Variants in GPR89B observed in about 807,000 individuals in gnomAD.
GPR89B encodes golgi pH regulator B, also known as G protein-coupled receptor 89B.
Under a neutral mutation model 52.4 loss-of-function variants are expected in GPR89B, and 25 were observed. The ratio of observed to expected loss-of-function variants is 0.48; its 90% CI spans 0.35 to 0.67. GPR89B has a LOEUF of 0.67. Ranked by LOEUF, GPR89B falls within the 30% of genes least tolerant of loss-of-function variation. The probability of loss-of-function intolerance (pLI) is 0.01; values close to 1 mark genes in which losing one functional copy is unlikely to be tolerated. For missense variants in GPR89B, 146 were observed against 450.2 expected (o/e 0.32, Z 6.11); for synonymous variants, 52 against 151.2 (o/e 0.34, Z 4.81).
chr1:148,011,242 G>T, the GPR89B span: 1 of 152,190 alleles, frequency 6.6e-6, no homozygotes, highest in African/African-American at 2.4e-5. Context: ...TTGAGTCGTG[G>T]TGGCTGGAAG....
intron 10 of GPR89B, among the ~76,000 whole-genome samples, chr1:147,971,185 T>C (rs1280689866): frequency 6.6e-6 from 1 of 151,746 alleles, no homozygotes; most frequent in African/African-American, 2.4e-5. Context: ...AGTCTCACTC[T>C]GTCACCCAAG....
the GPR89B span, among the ~76,000 whole-genome samples, chr1:148,002,254 C>T: frequency 3.9e-5 from 6 of 152,068 alleles, no homozygotes; most frequent in African/African-American, 1.5e-4. Flanking sequence ...TTTTCCCCAG[C>T]ATCCAGTCCC....
chr1:148,021,273 C>T, the GPR89B span, among the ~76,000 whole-genome samples: 2 of 151,356 alleles, frequency 1.3e-5, no homozygotes, highest in South Asian at 2.1e-4. Context: ...GAGGCTGAGG[C>T]GGGCGGAGCA....
At chr1:147,951,156 C>T (rs1655658928) in intron 5 of GPR89B, among the ~76,000 whole-genome samples, 1 of 151,516 alleles carries the variant, frequency 6.6e-6, no homozygotes, top group East Asian at 1.9e-4. Context: ...GACTCTGCCC[C>T]TTTTATCTGT....
At chr1:147,991,519 C>T (rs1659067429) in intron 12 of GPR89B, among the ~76,000 whole-genome samples, 1 of 152,152 alleles carries the variant, frequency 6.6e-6, no homozygotes, top group African/African-American at 2.4e-5. Context: ...GCATCCCTGT[C>T]TTGTGCCAGT....
intron 10 of GPR89B, among the ~76,000 whole-genome samples, chr1:147,979,701 A>G (rs2149086741): frequency 6.6e-6 from 1 of 152,062 alleles, no homozygotes; most frequent in South Asian, 2.1e-4. Context: ...TGAATATTAA[A>G]CCAATCTTGC....
At chr1:147,949,675 A>AC (rs1285709229) in intron 5 of GPR89B, among the ~76,000 whole-genome samples, 11 of 110,300 alleles carry the variant, frequency 1.0e-4, no homozygotes, top group South Asian at 6.0e-4. Context: ...CGGGGGGCTG[A>AC]CCCCCCCACC....
At chr1:147,936,856 G>A (rs1163753030) in intron 2 of GPR89B, among the ~76,000 whole-genome samples, 170 bp downstream of exon 2, 4 of 152,058 alleles carry the variant, frequency 2.6e-5, no homozygotes, top group African/African-American at 7.2e-5. Flanking sequence ...TGATTTAAAA[G>A]GGGGGAAAAA....
downstream of GPR89B, chr1:147,994,017 C>T (rs1480975559): frequency 7.6e-6 from 6 of 791,200 alleles, no homozygotes; most frequent in Non-Finnish European, 1.1e-5. Context: ...GAGACATCAT[C>T]ATACAGAGAA....
chr1:147,929,781 A>G (rs1327682009), intron 1 of GPR89B, among the ~76,000 whole-genome samples: 4 of 143,036 alleles, frequency 2.8e-5, no homozygotes, highest in Non-Finnish European at 6.1e-5. Flanking sequence ...CTACCGCTCT[A>G]ATGCAATAGT....
intron 12 of GPR89B, among the ~76,000 whole-genome samples, chr1:147,990,489 T>C (rs1413127688): frequency 7.2e-5 from 11 of 152,178 alleles, no homozygotes; most frequent in South Asian, 2.1e-4. Flanking sequence ...TTTGTTGCCA[T>C]TGCTTTTGGT....
At chr1:147,940,689 C>T (rs587738304) in intron 3 of GPR89B, among the ~76,000 whole-genome samples, 5 of 152,262 alleles carry the variant, frequency 3.3e-5, no homozygotes, top group African/African-American at 1.2e-4. Flanking sequence ...TATAAACAAA[C>T]GAGCATGGCC....
the GPR89B span, chr1:148,010,051 TAA>T: frequency 8.9e-3 from 1,050 of 117,656 alleles, 10 homozygotes; most frequent in African/African-American, 0.031. Flanking sequence ...CTCATGGGTT[TAA>T]AAAAAAAAAA....
rs1484707756 is a variant in GPR89B, at chr1:147,928,464, G to A, written c.-73G>A. The A allele has an allele frequency of 1.9e-6, 3 of 1,580,572 alleles. No individual in the cohort carries two copies. The highest frequency in any genetic ancestry group is 1.1e-5 in the South Asian group (1 of 90,286). On this transcript the variant is annotated 5_prime_UTR_variant, in exon 1 of 14. Transcript: ENST00000314163. ...CTGGGAGAAGGCAGACCGTGTGAGG[G>A]GGCCTGTGGCCCCAGCGTGCTGTGG...
At chr1:147,979,901 C>A (rs1176703871) in intron 10 of GPR89B, among the ~76,000 whole-genome samples, 1 of 151,648 alleles carries the variant, frequency 6.6e-6, no homozygotes, top group African/African-American at 2.4e-5. Flanking sequence ...CCAGCCTGGG[C>A]AGCATAGCAA....
the GPR89B span, among the ~76,000 whole-genome samples, chr1:148,015,742 T>G: frequency 9.2e-3 from 1,382 of 149,890 alleles, 8 homozygotes; most frequent in Non-Finnish European, 0.014. Context: ...CTAGTCATTC[T>G]TGTACGGGCA....
intron 12 of GPR89B, among the ~76,000 whole-genome samples, chr1:147,992,077 A>G (rs1247429499): frequency 6.6e-6 from 1 of 150,440 alleles, no homozygotes; most frequent in East Asian, 2.0e-4. Flanking sequence ...GGGATTTAAA[A>G]ATCCAGGAGC....
At chr1:147,954,630 T>G (rs1479538488) in intron 7 of GPR89B, among the ~76,000 whole-genome samples, 1 of 152,182 alleles carries the variant, frequency 6.6e-6, no homozygotes. Flanking sequence ...CTAGCCTGGG[T>G]AACATAGTGA....
At chr1:148,009,162 T>G in the GPR89B span, among the ~76,000 whole-genome samples, 56 of 152,030 alleles carry the variant, frequency 3.7e-4, no homozygotes, top group African/African-American at 1.3e-3. Flanking sequence ...TGCACAACTG[T>G]GCAAGGCAAG....
Sources: allele counts gnomAD v4.1 joint callset (sites outside exome capture counted in the v4.1 genomes callset), GRCh38; gene constraint gnomAD v4.1.1; transcripts MANE v1.5; gene names NCBI Gene and HGNC (gene_info 2026-07-23, HGNC 2026-07-21).